The following POLE variants were observed in gnomAD, a reference collection of about 807,000 sequenced individuals.
POLE encodes the protein DNA polymerase epsilon, catalytic subunit.
A neutral mutation model predicts 279.2 loss-of-function variants in POLE; 188 were observed. The ratio of observed to expected loss-of-function variants is 0.67; its 90% CI spans 0.60 to 0.76. The LOEUF is 0.76. Among genes scored for constraint, POLE ranks in the 30% least tolerant of loss-of-function variants. POLE has a pLI of 0.00. For synonymous variants in POLE, 1,214 were observed against 1,172.5 expected (o/e 1.04, Z -0.72); for missense variants, 2,703 against 3,016.7 (o/e 0.90, Z 2.44).
intron 39 of POLE, chr12:132,640,967 A>G (rs2042128181): frequency 2.2e-6 from 1 of 456,544 alleles, no homozygotes; most frequent in Non-Finnish European, 4.4e-6. Context: ...CATTAAAACT[A>G]CAGCTGAGTA....
In POLE at chr12:132,659,552, C is replaced by T. The variant is rs773634182; in HGVS notation, c.3061-43G>A. 3 of 1,552,578 alleles carry T rather than the reference C, an allele frequency of 1.9e-6. No individual in the cohort carries two copies. Among genetic ancestry groups the T allele is most frequent in the African/African-American group, 1.4e-5 (1 of 73,734 alleles). ...GTAAAACACTGCAGAAATCAAGGGGCAGAGTCTGAGCTCACCCTGGACTGT... is the reference window on the plus strand; with the variant it reads ...GTAAAACACTGCAGAAATCAAGGGGTAGAGTCTGAGCTCACCCTGGACTGT... On this transcript the variant is annotated intron_variant, in intron 25 of 48. Coordinates refer to ENST00000320574, the MANE Select transcript of POLE (RefSeq NM_006231.4).
intron 16 of POLE, among the ~76,000 whole-genome samples, chr12:132,671,899 C>A (rs948300918): frequency 1.6e-4 from 24 of 152,108 alleles, no homozygotes; most frequent in Admixed American, 1.5e-3. Context: ...AAATTTAAAA[C>A]CTCCAATGGC....
Position 132,643,737 on chromosome 12 carries a change from T to A in POLE, c.4290+100A>T, listed in dbSNP as rs2042209914. On this transcript the variant is annotated intron_variant, in intron 33 of 48. Coordinates refer to ENST00000320574, the MANE Select transcript of POLE (RefSeq NM_006231.4). ...CTCACCTGTGGGAACGAGTCCACTG[T>A]CGCTGCTGTTCCCCAGCCCACACCC... 2 of 1,468,124 alleles carry A rather than the reference T, an allele frequency of 1.4e-6. 1 individual carries two copies. The highest frequency in any genetic ancestry group is 2.5e-5 in the South Asian group (2 of 79,832). The allele number at this position is 1,468,124 out of a possible 1,614,324, so 90.9% of individuals were successfully genotyped here.
chr12:132,659,437 C>G lies in POLE; in HGVS notation c.3133G>C (p.Asp1045His), dbSNP rs2138677438. 1 of 1,614,248 alleles carries G rather than the reference C, an allele frequency of 6.2e-7. No individual in the cohort carries two copies. The change falls in exon 26 of 49, where the codon GAT becomes CAT. Residue 1045 changes from aspartate (D) to histidine (H), a missense_variant. Physicochemically the swap from Asp to His is moderately conservative, Grantham distance 81. Around this residue, in one of 5 missense-constraint regions of POLE, gnomAD observed 1,551 missense variants for 1,686.1 expected, o/e 0.92. Coordinates refer to ENST00000320574, the MANE Select transcript of POLE (RefSeq NM_006231.4). ...ENRSMSRKLE[D>H]YGEQKSTSIS... ...GACGTAGACTTCTGCTCCCCGTAAT[C>G]TTCCAGCTTCCGAGACATGGAACGG...
chr12:132,628,170 T>C (rs535998094), intron 45 of POLE, among the ~76,000 whole-genome samples: 29 of 151,996 alleles, frequency 1.9e-4, no homozygotes, highest in East Asian at 1.5e-3. Context: ...GGTGAAACCC[T>C]GTCTCTACTA....
intron 26 of POLE, among the ~76,000 whole-genome samples, chr12:132,659,028 C>T (rs1471815615): frequency 6.6e-6 from 1 of 152,106 alleles, no homozygotes; most frequent in African/African-American, 2.4e-5. Flanking sequence ...CCTGTAGCTG[C>T]AATTCAACCC....
rs1264127113 is a variant in POLE at position 132,639,433 on chromosome 12, TCA to T, written c.5379-137_5379-136del. On this transcript the variant is annotated intron_variant, in intron 39 of 48. Transcript: ENST00000320574. The surrounding 1 kb of genome is among the most constrained non-coding windows in gnomAD (Gnocchi z 4.7). Reference sequence around the variant, plus strand: ...AATCCGTCACTGTCGCCTCCCCTTCTCACTGTCCCCACCTTAAGTCACGGTCC... The same window carrying T: ...AATCCGTCACTGTCGCCTCCCCTTCTCTGTCCCCACCTTAAGTCACGGTCC... 4.2e-6 allele frequency: 3 copies of T among 714,626 alleles called. No homozygotes were observed. Among genetic ancestry groups the T allele is most frequent in the Non-Finnish European group, 2.4e-6 (1 of 425,120 alleles). The allele number at this position is 714,626 out of a possible 1,614,324, so 44.3% of individuals were successfully genotyped here. A position where few individuals can be genotyped will look rare whatever the true frequency, so the allele number is the denominator to read the frequency against.
intron 27 of POLE, 76 bp downstream of exon 27, chr12:132,657,792 T>A (rs1410337564): frequency 1.4e-5 from 14 of 1,020,940 alleles, no homozygotes; most frequent in African/African-American, 4.1e-5. Flanking sequence ...AAAAACATAA[T>A]CCAACTCAGA....
chr12:132,628,846 G>C (rs1023958382), intron 45 of POLE, among the ~76,000 whole-genome samples: 9 of 152,114 alleles, frequency 5.9e-5, no homozygotes, highest in African/African-American at 2.2e-4. Context: ...CAATAGTCTT[G>C]AATCCCTCAA....
rs748433747 is a variant in POLE at position 132,679,661 on chromosome 12, G to A, written c.424-10C>T. 44 of 1,604,470 alleles carry A rather than the reference G, an allele frequency of 2.7e-5. No homozygotes were observed. The highest frequency in any genetic ancestry group is 3.2e-5 in the Non-Finnish European group (37 of 1,171,906). ...CCACCAAGTGATTTGGCTATAATGC[G>A]AAGAGATCACGCTCATTGGTTCAAG... On this transcript the variant is annotated splice_polypyrimidine_tract_variant and intron_variant, in intron 5 of 48. Transcript: ENST00000320574.
rs114315196 is a variant in POLE at position 132,657,914 on chromosome 12, C to T, written c.3332G>A (p.Arg1111Gln). ...AEPTVRKHFL[R>Q]KWLKSSSLQD... ...AAGGGAAGAGCTCTTGAGCCATTTC[C>T]GGAGAAAGTGCTTCCTCACCGTGGG... is the stretch of plus-strand genomic sequence containing the variant. The change falls in exon 27 of 49, where the codon CGG becomes CAG. Residue 1111 changes from arginine to glutamine, a missense_variant. Around this residue, in one of 5 missense-constraint regions of POLE, gnomAD observed 1,551 missense variants for 1,686.1 expected, o/e 0.92. Transcript: ENST00000320574. The T allele has an allele frequency of 3.5e-5, 57 of 1,614,138 alleles. No homozygotes were observed. Among genetic ancestry groups the T allele is most frequent in the Non-Finnish European group, 4.1e-5 (48 of 1,179,978 alleles).
Position 132,661,295 on chromosome 12 carries a change from C to T in POLE, c.2865-131G>A. The T allele has an allele frequency of 1.0e-6, 1 of 997,778 alleles. No homozygotes were observed. The highest frequency in any genetic ancestry group is 1.5e-6 in the Non-Finnish European group (1 of 677,436). The allele number at this position is 997,778 out of a possible 1,614,324, so 61.8% of individuals were successfully genotyped here. Reference sequence around the variant, plus strand: ...CTGTCATCCACGAGGCAGCAAACGTCTCTCTCCCTTAGGCCACTGCTTCTC... The same window carrying T: ...CTGTCATCCACGAGGCAGCAAACGTTTCTCTCCCTTAGGCCACTGCTTCTC... On this transcript the variant is annotated intron_variant, in intron 24 of 48. Transcript: ENST00000320574. The surrounding 1 kb of genome is among the most constrained non-coding windows in gnomAD (Gnocchi z 4.1).
intron 8 of POLE, among the ~76,000 whole-genome samples, 193 bp from the exon 9 acceptor site, chr12:132,676,846 A>G (rs1009424856): frequency 2.0e-5 from 3 of 152,162 alleles, no homozygotes; most frequent in African/African-American, 7.2e-5. Flanking sequence ...GAAAACTGAC[A>G]TACCTAAGAG....
In POLE at chr12:132,666,751, G is replaced by A. The variant is rs576485371; in HGVS notation, c.2319+752C>T. On this transcript the variant is annotated intron_variant, in intron 20 of 48. Transcript: ENST00000320574. ...GAGCTACTGTTTGATGGAGATAAGAGTTTCCGTTTCAGAAGGCGAAGAATT... is the reference window on the plus strand; with the variant it reads ...GAGCTACTGTTTGATGGAGATAAGAATTTCCGTTTCAGAAGGCGAAGAATT... Among the ~76,000 whole-genome samples the A allele has an allele frequency of 2.4e-3, 358 of 152,292 alleles. 2 individuals are homozygous for A. Among genetic ancestry groups the A allele is most frequent in the Middle Eastern group, 0.014 (4 of 294 alleles).
Position 132,638,130 on chromosome 12 carries a change from A to G in POLE, c.5562T>C (p.Ala1854=), listed in dbSNP as rs1174721130. 1.2e-6 allele frequency: 2 copies of G among 1,613,704 alleles called. No individual in the cohort carries two copies. The highest frequency in any genetic ancestry group is 2.7e-5 in the African/African-American group (2 of 74,860). Residue 1854 remains alanine, a synonymous_variant, in exon 41 of 49, where the codon GCT becomes GCC. Transcript: ENST00000320574. ...MMKKLFLQLI[A]EFKRLGSSVI... ...CTGATGACCCCAGGCGCTTGAACTC[A>G]GCGATGAGCCTGTGGAGCAAGTTGA...
chr12:132,665,409 G>A lies in POLE; in HGVS notation c.2361C>T (p.Asp787=), dbSNP rs1060504070. The part of the protein sequence containing the change: ...KKLSAAVEVG[D]AAEVKRCKNM... ...TCTTGCAGCGCTTCACCTCAGCCGC[G>A]TCGCCCACCTCCACGGCCGCCGAGA... is the stretch of plus-strand genomic sequence containing the variant. The change falls in exon 21 of 49, where the codon GAC becomes GAT. Residue 787 remains aspartate, a synonymous_variant. Transcript: ENST00000320574. The A allele has an allele frequency of 1.5e-5, 24 of 1,612,948 alleles. No homozygotes were observed. The highest frequency in any genetic ancestry group is 1.8e-5 in the Non-Finnish European group (21 of 1,179,938).
chr12:132,675,303 C>G lies in POLE; in HGVS notation c.1226+95G>C. 2 of 1,494,402 alleles carry G rather than the reference C, an allele frequency of 1.3e-6. No individual in the cohort carries two copies. Among genetic ancestry groups the G allele is most frequent in the Admixed American group, 4.0e-5 (2 of 49,838 alleles). The allele number at this position is 1,494,402 out of a possible 1,614,324, so 92.6% of individuals were successfully genotyped here. A position where few individuals can be genotyped will look rare whatever the true frequency, so the allele number is the denominator to read the frequency against. Reference sequence around the variant, plus strand: ...AAACGGCCTCTCGGAGGCCACCCTCCTCCCATGAGATGTGGTGACAGCACA... The same window carrying G: ...AAACGGCCTCTCGGAGGCCACCCTCGTCCCATGAGATGTGGTGACAGCACA... On this transcript the variant is annotated intron_variant, in intron 12 of 48. Transcript: ENST00000320574. The surrounding 1 kb of genome is among the most constrained non-coding windows in gnomAD (Gnocchi z 4.3).
intron 46 of POLE, 105 bp from the exon 47 acceptor site, chr12:132,625,875 G>C: frequency 6.8e-7 from 1 of 1,466,670 alleles, no homozygotes; most frequent in Non-Finnish European, 9.2e-7. Flanking sequence ...GCCTGGTGAC[G>C]GGCGAGTCTC....
intron 16 of POLE, among the ~76,000 whole-genome samples, chr12:132,671,458 C>A (rs1381031446): frequency 2.0e-5 from 3 of 151,076 alleles, no homozygotes; most frequent in Non-Finnish European, 4.4e-5. Context: ...ATCACAAGGT[C>A]AGGAGTTCAA....
Sources: gnomAD v4.1 joint callset for allele counts (sites outside exome capture counted in the v4.1 genomes callset) on GRCh38, gnomAD v4.1.1 for gene constraint, gnomAD v4.1.1 regional missense constraint, Gnocchi (gnomAD v3.1) non-coding constraint, MANE v1.5 for transcripts, NCBI Gene and HGNC (gene_info 2026-07-23, HGNC 2026-07-21) for gene names.